Variants in NAA10 observed in about 807,000 individuals in gnomAD.
NAA10 encodes N-alpha-acetyltransferase 10, NatA catalytic subunit.
A neutral mutation model predicts 19.2 loss-of-function variants in NAA10; 6 were observed. That is an observed-to-expected ratio of 0.31 (90% CI 0.17 to 0.62). The LOEUF (loss-of-function observed/expected upper bound fraction) is 0.62. Among genes scored for constraint, NAA10 ranks in the 20% least tolerant of loss-of-function variants. The pLI is 0.83. For synonymous variants in NAA10, 97 were observed against 79.9 expected (o/e 1.21, Z -1.14); for missense variants, 101 against 198.4 (o/e 0.51, Z 2.95).
In NAA10 at chrX:153,929,728, C is replaced by G. The variant is rs1358490343; in HGVS notation, c.*259G>C. ...GCAGACCTCCAAGGCAGGGTCTCTCCCATAAGTCCAGGGCCTCCTTCCCCG... is the reference window on the plus strand; with the variant it reads ...GCAGACCTCCAAGGCAGGGTCTCTCGCATAAGTCCAGGGCCTCCTTCCCCG... On this transcript the variant is annotated 3_prime_UTR_variant, in exon 8 of 8. Coordinates refer to ENST00000464845, the MANE Select transcript of NAA10 (RefSeq NM_003491.4). The G allele has an allele frequency of 2.4e-6, 1 of 415,239 alleles. No individual in the cohort carries two copies. Among genetic ancestry groups the G allele is most frequent in the Non-Finnish European group, 4.2e-6 (1 of 239,065 alleles). 34.2% of individuals were successfully genotyped at this position (415,239 alleles called of 1,213,427 possible). A position where few individuals can be genotyped will look rare whatever the true frequency, so the allele number is the denominator to read the frequency against.
intron 3 of NAA10, chrX:153,932,980 G>A: frequency 4.5e-6 from 1 of 222,836 alleles, no homozygotes; most frequent in East Asian, 1.1e-4. Context: ...TTGAGCCTGG[G>A]AGGTTGAGGC....
At chrX:153,931,078 A>G (rs1557107311) in intron 6 of NAA10, 1 of 1,103,684 alleles carries the variant, frequency 9.1e-7, no homozygotes, top group Non-Finnish European at 1.2e-6. Flanking sequence ...TAGCCTGGAT[A>G]CTAAGGATCC....
chrX:153,931,946 C>A, intron 6 of NAA10, 125 bp downstream of exon 6: 1 of 1,200,663 alleles, frequency 8.3e-7, no homozygotes. Flanking sequence ...GTGCTGGGGT[C>A]CACAGCCTCT....
rs1557107597 is a variant in NAA10 at position 153,932,599 on chromosome X, A to G, written c.180-15T>C. The G allele has an allele frequency of 8.3e-7, 1 of 1,199,521 alleles. No homozygotes were observed. The highest frequency in any genetic ancestry group is 1.8e-5 in the South Asian group (1 of 55,293). Reference sequence around the variant, plus strand: ...GGTCCTCTTCCCTGGAGAGGGAGAAAGGAGAGGCTGCAAAGGAGCTCAGTG... The same window carrying G: ...GGTCCTCTTCCCTGGAGAGGGAGAAGGGAGAGGCTGCAAAGGAGCTCAGTG... On this transcript the variant is annotated splice_polypyrimidine_tract_variant and intron_variant, in intron 3 of 7. Coordinates refer to ENST00000464845, the MANE Select transcript of NAA10 (RefSeq NM_003491.4).
intron 2 of NAA10, 106 bp downstream of exon 2, chrX:153,934,271 A>G: frequency 1.4e-6 from 1 of 740,520 alleles, no homozygotes; most frequent in Non-Finnish European, 2.1e-6. Context: ...GCCACCGACC[A>G]TACAGCCCCC....
chrX:153,934,863 C>T, intron 1 of NAA10, 21 bp downstream of exon 1: 2 of 999,039 alleles, frequency 2.0e-6, no homozygotes, highest in Non-Finnish European at 2.6e-6. Flanking sequence ...GCGCGGACAG[C>T]CTCCCGCCCC....
rs960117701 is a variant in NAA10 at position 153,932,059 on chromosome X, A to C, written c.386+12T>G. ...CAACCCCAGCCCATTAGAAAAATCG[A>C]GATCTACTTACTGAAAGTTGAGGGT... On this transcript the variant is annotated intron_variant, in intron 6 of 7. Transcript: ENST00000464845. 3 of 1,211,804 alleles carry C rather than the reference A, an allele frequency of 2.5e-6. No individual in the cohort carries two copies. The highest frequency in any genetic ancestry group is 3.3e-6 in the Non-Finnish European group (3 of 895,536).
In NAA10 at chrX:153,934,360, A is replaced by T. The variant is rs782273458; in HGVS notation, c.120+17T>A. 1 of 1,174,221 alleles carries T rather than the reference A, an allele frequency of 8.5e-7. No homozygotes were observed. Among genetic ancestry groups the T allele is most frequent in the South Asian group, 1.8e-5 (1 of 54,088 alleles). On this transcript the variant is annotated intron_variant, in intron 2 of 7. Transcript: ENST00000464845. ...TCGGCCTGCTTTCCCCCATGCCCAA[A>T]TTCAGAAGCTGCCCACCTGGGGCCA...
In NAA10 at chrX:153,934,981, G is replaced by C; in HGVS notation, c.-77C>G. The C allele has an allele frequency of 1.1e-6, 1 of 897,364 alleles. No individual in the cohort carries two copies. The highest frequency in any genetic ancestry group is 1.4e-6 in the Non-Finnish European group (1 of 714,594). The allele number at this position is 897,364 out of a possible 1,213,427, so 74.0% of individuals were successfully genotyped here. On this transcript the variant is annotated 5_prime_UTR_variant, in exon 1 of 8. Coordinates refer to ENST00000464845, the MANE Select transcript of NAA10 (RefSeq NM_003491.4). Reference sequence around the variant, plus strand: ...GCCGCCGCGCTCCGAAGCGACGCCGGGACGGCCGGGGCTGGGACCGGAGCT... The same window carrying C: ...GCCGCCGCGCTCCGAAGCGACGCCGCGACGGCCGGGGCTGGGACCGGAGCT...
intron 7 of NAA10, 184 bp downstream of exon 7, chrX:153,930,579 A>G: frequency 2.0e-6 from 1 of 494,447 alleles, no homozygotes; most frequent in Non-Finnish European, 3.5e-6. Context: ...TGCCTCTCCC[A>G]TCACCCTCCA....
chrX:153,929,705 A>C lies in NAA10; in HGVS notation c.*282T>G, dbSNP rs191475980. On this transcript the variant is annotated 3_prime_UTR_variant, in exon 8 of 8. Transcript: ENST00000464845. ...CAAAACACATTCAGCGTGGCCAAGC[A>C]GACCTCCAAGGCAGGGTCTCTCCCA... The C allele has an allele frequency of 8.0e-4, 312 of 392,024 alleles. 2 individuals are homozygous for C. The highest frequency in any genetic ancestry group is 7.3e-3 in the African/African-American group (289 of 39,490). 32.3% of individuals were successfully genotyped at this position (392,024 alleles called of 1,213,427 possible). A position where few individuals can be genotyped will look rare whatever the true frequency, so the allele number is the denominator to read the frequency against.
At chrX:153,933,401 G>A (rs1029148084) in intron 3 of NAA10, among the ~76,000 whole-genome samples, 8 of 112,412 alleles carry the variant, frequency 7.1e-5, no homozygotes, top group Non-Finnish European at 1.3e-4. Context: ...CAGGCGCAGT[G>A]GCTCACGCCT....
At position 153,934,071 on chromosome X, in the gene NAA10, C is replaced by G. The variant is rs113912592; in HGVS notation, c.121-70G>C. 5.1e-4 allele frequency: 519 copies of G among 1,013,750 alleles called. 2 individuals carry two copies. In the African/African-American group the frequency reaches 8.4e-3, roughly 16 times the overall value. 83.5% of individuals were successfully genotyped at this position (1,013,750 alleles called of 1,213,427 possible). A position where few individuals can be genotyped will look rare whatever the true frequency, so the allele number is the denominator to read the frequency against. ...GAAGAGCCCTTTAGAGGGACACAAA[C>G]TGGACGAGTGGCGAGTTGTGTGATG... On this transcript the variant is annotated intron_variant, in intron 2 of 7. Coordinates refer to ENST00000464845, the MANE Select transcript of NAA10 (RefSeq NM_003491.4).
chrX:153,934,993 C>T lies in NAA10; in HGVS notation c.-89G>A. 2 of 864,679 alleles carry T rather than the reference C, an allele frequency of 2.3e-6. No individual in the cohort carries two copies. Among genetic ancestry groups the T allele is most frequent in the Non-Finnish European group, 2.9e-6 (2 of 692,252 alleles). 71.3% of individuals were successfully genotyped at this position (864,679 alleles called of 1,213,427 possible). A position where few individuals can be genotyped will look rare whatever the true frequency, so the allele number is the denominator to read the frequency against. On this transcript the variant is annotated 5_prime_UTR_variant, in exon 1 of 8. Coordinates refer to ENST00000464845, the MANE Select transcript of NAA10 (RefSeq NM_003491.4). ...CGAAGCGACGCCGGGACGGCCGGGG[C>T]TGGGACCGGAGCTGGGCTCGCTGGG...
Position 153,929,519 on chromosome X carries a change from A to G in NAA10, c.*468T>C. 6.9e-6 allele frequency: 1 copy of G among 145,077 alleles called. No homozygotes were observed. Among genetic ancestry groups the G allele is most frequent in the South Asian group, 1.6e-4 (1 of 6,201 alleles). 12.0% of individuals were successfully genotyped at this position (145,077 alleles called of 1,213,427 possible). A position where few individuals can be genotyped will look rare whatever the true frequency, so the allele number is the denominator to read the frequency against. The stretch of plus-strand genomic sequence containing the variant: ...AAGCCCAATGAGCAGTTGGATGTCC[A>G]CATCTGGAGCCCACGGGTATGCTGG... On this transcript the variant is annotated 3_prime_UTR_variant, in exon 8 of 8. Transcript: ENST00000464845.
rs782445212 is a variant in NAA10 at position 153,929,920 on chromosome X, G to A, written c.*67C>T. The A allele has an allele frequency of 3.2e-6, 3 of 948,172 alleles. No homozygotes were observed. The highest frequency in any genetic ancestry group is 6.2e-5 in the East Asian group (2 of 32,456). 78.1% of individuals were successfully genotyped at this position (948,172 alleles called of 1,213,427 possible). On this transcript the variant is annotated 3_prime_UTR_variant, in exon 8 of 8. Coordinates refer to ENST00000464845, the MANE Select transcript of NAA10 (RefSeq NM_003491.4). Reference sequence around the variant, plus strand: ...AAATGTGCGCGCGCTCACACACAAAGTTCCCCAGTGCCACGGAGCGAATTT... The same window carrying A: ...AAATGTGCGCGCGCTCACACACAAAATTCCCCAGTGCCACGGAGCGAATTT...
intron 4 of NAA10, 31 bp downstream of exon 4, chrX:153,932,508 C>T (rs1015530137): frequency 8.3e-7 from 1 of 1,202,765 alleles, no homozygotes. Flanking sequence ...ACTTCCACCC[C>T]CACCAGAGAG....
chrX:153,931,449 T>G lies in NAA10; in HGVS notation c.387-602A>C. The G allele has an allele frequency of 6.2e-6, 5 of 808,835 alleles. No homozygotes were observed. In the South Asian group the frequency reaches 1.4e-4, roughly 23 times the overall value. 66.7% of individuals were successfully genotyped at this position (808,835 alleles called of 1,213,427 possible). On this transcript the variant is annotated intron_variant, in intron 6 of 7. Transcript: ENST00000464845. ...GGCCACCGCCCTTCCCAACAGTCCC[T>G]CTTCTTCATCCCCTACCAAACGGGC...
chrX:153,934,046 G>C (rs781935437), intron 2 of NAA10, 45 bp from the exon 3 acceptor site: 2 of 1,133,253 alleles, frequency 1.8e-6, no homozygotes, highest in Non-Finnish European at 2.4e-6. Context: ...GTCGGAGCTA[G>C]AAGAGCCCTT....
Sources: allele counts gnomAD v4.1 joint callset (sites outside exome capture counted in the v4.1 genomes callset), GRCh38; gene constraint gnomAD v4.1.1; transcripts MANE v1.5; gene names NCBI Gene and HGNC (gene_info 2026-07-23, HGNC 2026-07-21).